Variants in PDE8B observed in about 807,000 individuals in gnomAD.
PDE8B encodes high affinity cAMP-specific and IBMX-insensitive 3',5'-cyclic phosphodiesterase 8B.
In PDE8B, 26 loss-of-function variants were observed where a neutral mutation model predicts 101.3. That is an observed-to-expected ratio of 0.26 (90% confidence interval 0.19 to 0.36). The LOEUF is 0.36. PDE8B is among the 10% of genes least tolerant of loss of function. PDE8B has a pLI of 1.00. For missense variants in PDE8B, 810 were observed against 1,163.1 expected, an observed-to-expected ratio of 0.70 and a Z score of 4.42; for synonymous variants, 424 against 429.3, an observed-to-expected ratio of 0.99 and a Z score of 0.15.
At position 77,299,308 on chromosome 5, in the gene PDE8B, C is replaced by T. The variant is rs1003452303; in HGVS notation, c.340-12686C>T. ...TTATTATACTTTAAGTTTTAGGGTA[C>T]ATGTGCACAATGTGCAGGTTTGTTA... On this transcript the variant is annotated intron_variant, in intron 1 of 21. Coordinates refer to ENST00000264917, the MANE Select transcript of PDE8B (RefSeq NM_003719.5). Among the ~76,000 whole-genome samples the T allele has an allele frequency of 7.9e-5, 12 of 151,812 alleles. No homozygotes were observed. In the South Asian group the frequency reaches 2.5e-3, roughly 32 times the overall value.
chr5:77,329,408 G>T (rs966604963), intron 4 of PDE8B, among the ~76,000 whole-genome samples: 1 of 152,110 alleles, frequency 6.6e-6, no homozygotes, highest in African/African-American at 2.4e-5. Context: ...AAAGAGATGG[G>T]GATATGCTTG....
At chr5:77,225,230 A>G (rs1039405306) in intron 1 of PDE8B, among the ~76,000 whole-genome samples, 4 of 152,016 alleles carry the variant, frequency 2.6e-5, no homozygotes, top group Non-Finnish European at 5.9e-5. Context: ...GCTTGATTCT[A>G]CTCTTCCATT....
At chr5:77,186,818 A>C in the PDE8B span, among the ~76,000 whole-genome samples, 2 of 152,170 alleles carry the variant, frequency 1.3e-5, no homozygotes, top group African/African-American at 4.8e-5. Flanking sequence ...AGGGGAGGCC[A>C]AGAGTCTGCA....
At chr5:77,397,904 C>T (rs1791414867) in intron 10 of PDE8B, among the ~76,000 whole-genome samples, 1 of 151,940 alleles carries the variant, frequency 6.6e-6, no homozygotes, top group Admixed American at 6.6e-5. Flanking sequence ...AATCTCTGTA[C>T]CCCACCCCCC....
rs902523455 is a variant in PDE8B, at chr5:77,404,912, A to T, written c.1288+115A>T. ...AAAGAGTAAGAGTTCAACAACACCG[A>T]CTTATTTTTCAATAAGCTCAAAGGT... On this transcript the variant is annotated intron_variant, in intron 12 of 21. Transcript: ENST00000264917. 4.3e-6 allele frequency: 3 copies of T among 703,022 alleles called. No individual in the cohort carries two copies. In the East Asian group the frequency reaches 8.2e-5, roughly 19 times the overall value. The allele number at this position is 703,022 out of a possible 1,614,324, so 43.5% of individuals were successfully genotyped here.
chr5:77,331,239 G>T, intron 4 of PDE8B, 163 bp from the exon 5 acceptor site: 2 of 745,680 alleles, frequency 2.7e-6, no homozygotes, highest in Non-Finnish European at 4.9e-6. Context: ...GGTAGATGTG[G>T]GGTCTGTATC....
At chr5:77,294,294 A>T (rs1768037540) in intron 1 of PDE8B, among the ~76,000 whole-genome samples, 1 of 152,238 alleles carries the variant, frequency 6.6e-6, no homozygotes, top group African/African-American at 2.4e-5. Context: ...CAGCTGGCAG[A>T]CAAACAGACT....
intron 1 of PDE8B, among the ~76,000 whole-genome samples, chr5:77,212,551 A>G (rs78490425): frequency 0.021 from 3,140 of 152,312 alleles, 133 homozygotes; most frequent in African/African-American, 0.071. Flanking sequence ...CCATTATAGT[A>G]AAAACATCGT....
At chr5:77,156,894 C>A in the PDE8B span, among the ~76,000 whole-genome samples, 1 of 152,136 alleles carries the variant, frequency 6.6e-6, no homozygotes, top group African/African-American at 2.4e-5. Flanking sequence ...GGTGCTGGGA[C>A]AGGCTGGAGG....
chr5:77,269,133 G>A (rs1303281924), intron 1 of PDE8B, among the ~76,000 whole-genome samples: 1 of 152,000 alleles, frequency 6.6e-6, no homozygotes, highest in East Asian at 1.9e-4. Flanking sequence ...ATCCTCGCCA[G>A]CATTTGTTGT....
the PDE8B span, among the ~76,000 whole-genome samples, chr5:77,130,184 A>G: frequency 1.1e-4 from 16 of 152,302 alleles, no homozygotes; most frequent in East Asian, 3.1e-3. Flanking sequence ...GGTCTGAGCA[A>G]TATCTGATGA....
At chr5:77,229,020 A>C (rs1218610646) in intron 1 of PDE8B, among the ~76,000 whole-genome samples, 2 of 152,136 alleles carry the variant, frequency 1.3e-5, no homozygotes, top group Non-Finnish European at 2.9e-5. Flanking sequence ...TCTTGTTAGG[A>C]AGCAGGGGAA....
chr5:77,228,658 T>A (rs1040224594), intron 1 of PDE8B, among the ~76,000 whole-genome samples: 2 of 152,064 alleles, frequency 1.3e-5, no homozygotes, highest in African/African-American at 4.8e-5. Flanking sequence ...GTGTAAACCA[T>A]GTGTGGAAGA....
At chr5:77,240,222 C>G (rs1322789498) in intron 1 of PDE8B, among the ~76,000 whole-genome samples, 2 of 152,080 alleles carry the variant, frequency 1.3e-5, no homozygotes, top group Admixed American at 6.5e-5. Flanking sequence ...GGCGCGATCC[C>G]GGCTCACTGC....
At chr5:77,218,315 A>G (rs1208944846) in intron 1 of PDE8B, among the ~76,000 whole-genome samples, 1 of 152,142 alleles carries the variant, frequency 6.6e-6, no homozygotes, top group African/African-American at 2.4e-5. Flanking sequence ...AATCTGCATG[A>G]TTTTCCCTGT....
At chr5:77,254,020 C>T (rs1304693818) in intron 1 of PDE8B, among the ~76,000 whole-genome samples, 1 of 151,916 alleles carries the variant, frequency 6.6e-6, no homozygotes, top group African/African-American at 2.4e-5. Context: ...TAAAAGATTA[C>T]TAAAAAGTAA....
At chr5:77,148,117 A>G in the PDE8B span, 19 of 152,354 alleles carry the variant, frequency 1.2e-4, no homozygotes, top group South Asian at 8.3e-4. Context: ...ATACACTTAT[A>G]TAGTCAAATA....
intron 10 of PDE8B, among the ~76,000 whole-genome samples, chr5:77,385,803 T>G (rs1179994315): frequency 6.7e-6 from 1 of 148,206 alleles, no homozygotes; most frequent in African/African-American, 2.5e-5. Flanking sequence ...AGGTTTTTTT[T>G]TTTTTTTTTT....
intron 2 of PDE8B, among the ~76,000 whole-genome samples, chr5:77,317,885 C>A (rs556572410): frequency 9.0e-4 from 136 of 151,842 alleles, no homozygotes; most frequent in African/African-American, 3.2e-3. Flanking sequence ...GGTGAAACCC[C>A]GTCTTTACTA....
Sources: allele counts gnomAD v4.1 joint callset (sites outside exome capture counted in the v4.1 genomes callset), GRCh38; gene constraint gnomAD v4.1.1; transcripts MANE v1.5; gene names NCBI Gene and HGNC (gene_info 2026-07-23, HGNC 2026-07-21).